Variants in MTA1 observed in about 807,000 individuals in gnomAD.
MTA1 encodes the protein metastasis associated 1.
MTA1 carries 15 observed loss-of-function variants against 97.0 expected under a neutral mutation model. The observed-to-expected ratio is 0.15, with a 90% CI of 0.10 to 0.24. The LOEUF is 0.24. Among genes scored for constraint, MTA1 ranks in the 10% least tolerant of loss-of-function variants. MTA1 has a pLI of 1.00. For synonymous variants in MTA1, 435 were observed against 417.5 expected, an observed-to-expected ratio of 1.04 and a Z score of -0.51; for missense variants, 709 against 1,015.1, an observed-to-expected ratio of 0.70 and a Z score of 4.10.
In MTA1 at chr14:105,469,929, G is replaced by A. The variant is rs374869489; in HGVS notation, c.1934G>A (p.Arg645Gln). 3.7e-6 allele frequency: 6 copies of A among 1,612,112 alleles called. No homozygotes were observed. The highest frequency in any genetic ancestry group is 4.2e-6 in the Non-Finnish European group (5 of 1,179,718). Residue 645 changes from arginine (R) to glutamine (Q), a missense_variant, in exon 20 of 21, where the codon CGG becomes CAG. Physicochemically the swap from Arg to Gln is conservative, Grantham distance 43 (BLOSUM62 1). Coordinates refer to ENST00000331320, the MANE Select transcript of MTA1 (RefSeq NM_004689.4). ...GGGGGCTCCCTGCCCCCAGTCAAGC[G>A]GCGGCGGATGAACTGGATCGACGCC... is the stretch of plus-strand genomic sequence containing the variant. Reference protein sequence around the residue: ...IRGGSLPPVKRRRMNWIDAPD... With the variant: ...IRGGSLPPVKQRRMNWIDAPD...
rs2083456861 is a variant in MTA1, at chr14:105,463,864, G to T, written c.1077-168G>T. On this transcript the variant is annotated intron_variant, in intron 12 of 20. Transcript: ENST00000331320. The surrounding 1 kb of genome is among the most constrained non-coding windows in gnomAD (Gnocchi z 5.9). ...CTGGAGAACGGCTCAGACCTCAGCA[G>T]TGGCTCCCAGGAACTGAAAGGGGAG... is the stretch of plus-strand genomic sequence containing the variant. 2 of 718,036 alleles carry T rather than the reference G, an allele frequency of 2.8e-6. No homozygotes were observed. The highest frequency in any genetic ancestry group is 4.9e-6 in the Non-Finnish European group (2 of 409,044). 44.5% of individuals were successfully genotyped at this position (718,036 alleles called of 1,614,324 possible). A position where few individuals can be genotyped will look rare whatever the true frequency, so the allele number is the denominator to read the frequency against.
intron 18 of MTA1, 122 bp from the exon 19 acceptor site, chr14:105,469,345 C>T (rs1018248523): frequency 1.3e-5 from 14 of 1,109,498 alleles, no homozygotes; most frequent in Non-Finnish European, 1.8e-5. Flanking sequence ...TGGGTGTGGG[C>T]TGTGGCTTGG....
At chr14:105,436,589 C>T (rs2082331032) in intron 1 of MTA1, among the ~76,000 whole-genome samples, 1 of 152,182 alleles carries the variant, frequency 6.6e-6, no homozygotes, top group African/African-American at 2.4e-5. Context: ...GTGCCTGCCA[C>T]CTCCCCCGAG....
At chr14:105,441,267 C>CG (rs1491377195) in intron 2 of MTA1, among the ~76,000 whole-genome samples, 7 of 151,648 alleles carry the variant, frequency 4.6e-5, no homozygotes, top group African/African-American at 9.8e-5. Context: ...TGGGCCCCCC[C>CG]GCCCCTCTTG....
intron 6 of MTA1, among the ~76,000 whole-genome samples, chr14:105,451,791 T>G (rs1254894049): frequency 3.6e-4 from 51 of 141,590 alleles, no homozygotes; most frequent in African/African-American, 1.1e-3. Context: ...TTGTTTTTTT[T>G]TTTTTTTTTT....
intron 4 of MTA1, 140 bp from the exon 5 acceptor site, chr14:105,449,918 A>G (rs2082857355): frequency 4.8e-6 from 6 of 1,258,430 alleles, no homozygotes; most frequent in Non-Finnish European, 6.7e-6. Flanking sequence ...GGGCAGTGGG[A>G]CAGTGTCCGG....
At chr14:105,429,438 A>G (rs1395403686) in intron 1 of MTA1, among the ~76,000 whole-genome samples, 1 of 143,320 alleles carries the variant, frequency 7.0e-6, no homozygotes, top group East Asian at 2.0e-4. Flanking sequence ...GGCACCCACC[A>G]CCACACCCGG....
intron 16 of MTA1, chr14:105,466,122 C>T (rs1203600123): frequency 4.4e-6 from 2 of 457,092 alleles, no homozygotes; most frequent in East Asian, 8.9e-5. Flanking sequence ...TGCTCACGGG[C>T]CTGTGTATGG....
At chr14:105,440,806 C>T (rs1404707656) in intron 2 of MTA1, among the ~76,000 whole-genome samples, 5 of 152,372 alleles carry the variant, frequency 3.3e-5, no homozygotes, top group South Asian at 2.1e-4. Context: ...CGACAGAGTG[C>T]GGCCAGTGCC....
intron 6 of MTA1, 51 bp downstream of exon 6, chr14:105,450,375 T>G: frequency 6.4e-7 from 1 of 1,568,540 alleles, no homozygotes; most frequent in Non-Finnish European, 8.7e-7. Context: ...GGCCACTGTT[T>G]CCTCTACCTA....
chr14:105,431,686 C>T (rs115278737), intron 1 of MTA1, among the ~76,000 whole-genome samples: 6,998 of 152,252 alleles, frequency 0.046, 564 homozygotes, highest in African/African-American at 0.16. Context: ...AGTGCAGTGG[C>T]GCAGTCTCGG....
intron 3 of MTA1, among the ~76,000 whole-genome samples, chr14:105,447,140 C>G (rs587671749): frequency 6.6e-6 from 1 of 152,274 alleles, no homozygotes; most frequent in Admixed American, 6.5e-5. Flanking sequence ...TGGCCTATGT[C>G]GACTCTGCAG....
At chr14:105,428,953 GGCCTCAAGTGATCCTCCT>G (rs1267048078) in intron 1 of MTA1, among the ~76,000 whole-genome samples, 1 of 152,104 alleles carries the variant, frequency 6.6e-6, no homozygotes, top group Non-Finnish European at 1.5e-5. Flanking sequence ...TCAAACCCCT[GGCCTCAAGTGATCCTCCT>G]GCCTTGACTC....
chr14:105,452,259 G>T (rs1338219476), intron 6 of MTA1, among the ~76,000 whole-genome samples: 4 of 152,222 alleles, frequency 2.6e-5, no homozygotes, highest in African/African-American at 9.7e-5. Flanking sequence ...ATGAAGTCCT[G>T]ATAAACACAG....
At position 105,470,226 on chromosome 14, in the gene MTA1, C is replaced by A. The variant is rs1196264712; in HGVS notation, c.*11C>A. Reference sequence around the variant, plus strand: ...GTCATCGAGGACTAGGGGCCGCCCCCACCTGCGGCCGCCCCCCGCCCCTCG... The same window carrying A: ...GTCATCGAGGACTAGGGGCCGCCCCAACCTGCGGCCGCCCCCCGCCCCTCG... On this transcript the variant is annotated 3_prime_UTR_variant, in exon 21 of 21. Coordinates refer to ENST00000331320, the MANE Select transcript of MTA1 (RefSeq NM_004689.4). 3 of 1,529,152 alleles carry A rather than the reference C, an allele frequency of 2.0e-6. No individual in the cohort carries two copies. Among genetic ancestry groups the A allele is most frequent in the Non-Finnish European group, 1.8e-6 (2 of 1,142,624 alleles). The allele number at this position is 1,529,152 out of a possible 1,614,324, so 94.7% of individuals were successfully genotyped here.
chr14:105,466,887 T>G, intron 18 of MTA1, 145 bp downstream of exon 18: 12 of 775,406 alleles, frequency 1.5e-5, no homozygotes, highest in East Asian at 5.7e-5. Flanking sequence ...GTTCCCCACA[T>G]TCCTCCCGAC....
At chr14:105,469,399 G>A (rs1346407873) in intron 18 of MTA1, 68 bp from the exon 19 acceptor site, 60 of 1,555,552 alleles carry the variant, frequency 3.9e-5, no homozygotes, top group East Asian at 6.7e-5. Flanking sequence ...GGCTGAGGCC[G>A]TGGTGGGCGG....
chr14:105,433,220 G>A (rs2082232075), intron 1 of MTA1, among the ~76,000 whole-genome samples: 2 of 151,754 alleles, frequency 1.3e-5, no homozygotes, highest in Non-Finnish European at 2.9e-5. Context: ...TGTAGGTCTA[G>A]CAGTGGTCTG....
chr14:105,463,297 C>A lies in MTA1; in HGVS notation c.1017+39C>A. 1 of 1,605,484 alleles carries A rather than the reference C, an allele frequency of 6.2e-7. No individual in the cohort carries two copies. Among genetic ancestry groups the A allele is most frequent in the Non-Finnish European group, 8.5e-7 (1 of 1,175,122 alleles). On this transcript the variant is annotated intron_variant, in intron 11 of 20. Transcript: ENST00000331320. The surrounding 1 kb of genome is among the most constrained non-coding windows in gnomAD (Gnocchi z 5.9). ...CCACTCAGTGCCCGGGGTGTGCCGCCTCCCCGTCCTGCGCCCCATCCTCTC... is the reference window on the plus strand; with the variant it reads ...CCACTCAGTGCCCGGGGTGTGCCGCATCCCCGTCCTGCGCCCCATCCTCTC...
Sources: allele counts gnomAD v4.1 joint callset (sites outside exome capture counted in the v4.1 genomes callset), GRCh38; gene constraint gnomAD v4.1.1; non-coding constraint Gnocchi (gnomAD v3.1); transcripts MANE v1.5; gene names NCBI Gene and HGNC (gene_info 2026-07-23, HGNC 2026-07-21).